ZNF804A: variants seen among roughly 807,000 people sequenced by gnomAD.
The protein encoded by ZNF804A is zinc finger protein 804A.
A neutral mutation model predicts 16.5 loss-of-function variants in ZNF804A; 2 were observed. The observed-to-expected ratio is 0.12, with a 90% CI of 0.05 to 0.38. The LOEUF is 0.38. Ranked by LOEUF, ZNF804A falls within the 10% of genes least tolerant of loss-of-function variation. The probability of loss-of-function intolerance (pLI) is 0.99; values close to 1 mark genes in which losing one functional copy is unlikely to be tolerated. For missense variants in ZNF804A, 1,473 were observed against 1,390.7 expected, an observed-to-expected ratio of 1.06 and a Z score of -0.94; for synonymous variants, 534 against 489.6, an observed-to-expected ratio of 1.09 and a Z score of -1.20.
chr2:184,750,390 T>C (rs1308137678), intron 1 of ZNF804A, among the ~76,000 whole-genome samples: 2 of 151,510 alleles, frequency 1.3e-5, no homozygotes, highest in Non-Finnish European at 3.0e-5. Flanking sequence ...ACATTACATC[T>C]CATTTTGAAA....
At chr2:184,862,322 T>C (rs992669860) in intron 1 of ZNF804A, among the ~76,000 whole-genome samples, 3 of 152,226 alleles carry the variant, frequency 2.0e-5, no homozygotes, top group Admixed American at 1.3e-4. Context: ...TACATGTTTT[T>C]AAATGTATGA....
At chr2:184,690,448 T>G (rs1405320674) in intron 1 of ZNF804A, among the ~76,000 whole-genome samples, 1 of 152,044 alleles carries the variant, frequency 6.6e-6, no homozygotes, top group Admixed American at 6.6e-5. Flanking sequence ...ACATGAATAA[T>G]CTGATAAACT....
chr2:184,695,894 G>T (rs1047657734), intron 1 of ZNF804A, among the ~76,000 whole-genome samples: 43 of 152,004 alleles, frequency 2.8e-4, no homozygotes, highest in African/African-American at 1.0e-3. Context: ...CAAAAATTAG[G>T]CTGTACCATT....
chr2:184,665,347 G>T (rs1692240322), intron 1 of ZNF804A, among the ~76,000 whole-genome samples: 1 of 152,138 alleles, frequency 6.6e-6, no homozygotes, highest in Non-Finnish European at 1.5e-5. Flanking sequence ...ATGGAATTAT[G>T]ATACTTCTGT....
intron 1 of ZNF804A, among the ~76,000 whole-genome samples, chr2:184,803,061 A>G (rs1388023283): frequency 2.6e-5 from 4 of 152,190 alleles, no homozygotes; most frequent in Non-Finnish European, 5.9e-5. Context: ...AATATAGTAA[A>G]CTAAGCCCTA....
chr2:184,612,898 AAATAAT>A (rs1003065917), intron 1 of ZNF804A, among the ~76,000 whole-genome samples: 1 of 152,218 alleles, frequency 6.6e-6, no homozygotes, highest in African/African-American at 2.4e-5. Flanking sequence ...TTAATTAAGT[AAATAAT>A]AATAATAAAT....
chr2:184,873,674 CAT>C (rs1696009511), intron 2 of ZNF804A, among the ~76,000 whole-genome samples: 1 of 151,808 alleles, frequency 6.6e-6, no homozygotes, highest in Non-Finnish European at 1.5e-5. Flanking sequence ...AATATGAACA[CAT>C]ATGAAAAATA....
At position 184,598,861 on chromosome 2, in the gene ZNF804A, C is replaced by A. The variant is rs1380889054; in HGVS notation, c.-99C>A. The A allele has an allele frequency of 3.2e-6, 2 of 627,004 alleles. No individual in the cohort carries two copies. The highest frequency in any genetic ancestry group is 4.9e-6 in the Non-Finnish European group (2 of 405,154). The allele number at this position is 627,004 out of a possible 1,614,324, so 38.8% of individuals were successfully genotyped here. A position where few individuals can be genotyped will look rare whatever the true frequency, so the allele number is the denominator to read the frequency against. ...CGGGGGTGGCTGCGTGCCCTCGTGG[C>A]GGGTTCCCAGCCCACCGTCGCCGGC... On this transcript the variant is annotated 5_prime_UTR_variant, in exon 1 of 4. Coordinates refer to ENST00000302277, the MANE Select transcript of ZNF804A (RefSeq NM_194250.2).
At chr2:184,870,577 A>G (rs970102848) in intron 2 of ZNF804A, among the ~76,000 whole-genome samples, 6 of 151,982 alleles carry the variant, frequency 3.9e-5, no homozygotes, top group Non-Finnish European at 7.4e-5. Context: ...GCTATTGTTA[A>G]CTCTTCCATG....
At chr2:184,668,030 G>A (rs948506455) in intron 1 of ZNF804A, among the ~76,000 whole-genome samples, 1 of 151,292 alleles carries the variant, frequency 6.6e-6, no homozygotes, top group Admixed American at 6.6e-5. Context: ...TTTTAAAAGG[G>A]CAACAGAATC....
rs991945944 is a variant in ZNF804A at position 184,938,613 on chromosome 2, G to C, written c.3217G>C (p.Ala1073Pro). 24 of 1,613,832 alleles carry C rather than the reference G, an allele frequency of 1.5e-5. No individual in the cohort carries two copies. Among genetic ancestry groups the C allele is most frequent in the Admixed American group, 6.7e-5 (4 of 59,970 alleles). ...GGTTAAATTTACCTTTCCTCCAGCTGCCCTCCCACCCCCTAGCACACCTCT... is the reference window on the plus strand; with the variant it reads ...GGTTAAATTTACCTTTCCTCCAGCTCCCCTCCCACCCCCTAGCACACCTCT... ...NKVKFTFPPA[A>P]LPPPSTPLQP... The change falls in exon 4 of 4, where the codon GCC becomes CCC. Residue 1073 changes from alanine to proline, a missense_variant. Transcript: ENST00000302277.
At chr2:184,888,296 G>T (rs1684927992) in intron 2 of ZNF804A, among the ~76,000 whole-genome samples, 1 of 152,036 alleles carries the variant, frequency 6.6e-6, no homozygotes, top group Admixed American at 6.6e-5. Context: ...AGTTATCCAT[G>T]AATTTTTCCT....
intron 1 of ZNF804A, among the ~76,000 whole-genome samples, chr2:184,680,356 C>T (rs774123529): frequency 8.6e-5 from 13 of 151,834 alleles, no homozygotes; most frequent in Non-Finnish European, 1.5e-4. Context: ...GAACAGATGT[C>T]GGGAGGTCTT....
chr2:184,905,625 A>AATATATGTTATATAT (rs1393676054), intron 2 of ZNF804A, among the ~76,000 whole-genome samples: 1 of 152,184 alleles, frequency 6.6e-6, no homozygotes, highest in East Asian at 1.9e-4. Flanking sequence ...AGTCAGCTAT[A>AATATATGTTATATAT]ATATATGTTT....
intron 1 of ZNF804A, among the ~76,000 whole-genome samples, chr2:184,807,339 T>A (rs925179239): frequency 6.6e-5 from 10 of 151,944 alleles, no homozygotes; most frequent in African/African-American, 2.4e-4. Flanking sequence ...CTGGGTTAAT[T>A]GTTTGCCATT....
At chr2:184,783,138 G>GT (rs57207733) in intron 1 of ZNF804A, among the ~76,000 whole-genome samples, 5,620 of 85,956 alleles carry the variant, frequency 0.065, 821 homozygotes, top group African/African-American at 0.18. Flanking sequence ...AAAAGAGTGA[G>GT]TTTTTTTTTT....
At chr2:184,690,189 AG>A (rs1057224582) in intron 1 of ZNF804A, among the ~76,000 whole-genome samples, 57 of 131,624 alleles carry the variant, frequency 4.3e-4, no homozygotes, top group African/African-American at 1.9e-3. Flanking sequence ...AGAAAGTCTC[AG>A]GAAAAAAAAA....
intron 1 of ZNF804A, among the ~76,000 whole-genome samples, chr2:184,826,077 G>T: frequency 6.7e-6 from 1 of 150,060 alleles, no homozygotes; most frequent in East Asian, 1.9e-4. Flanking sequence ...GTAGAGACAG[G>T]GTTTCACCGT....
chr2:184,937,338 C>A lies in ZNF804A; in HGVS notation c.1942C>A (p.Gln648Lys). ...AGAAAAGCAGTATTTAGCTGCAGAGCAATTATTAGACTCACATCAGTTACT... is the reference window on the plus strand; with the variant it reads ...AGAAAAGCAGTATTTAGCTGCAGAGAAATTATTAGACTCACATCAGTTACT... ...ISEKQYLAAE[Q>K]LLDSHQLLDK... The change falls in exon 4 of 4, where the codon CAA becomes AAA. Residue 648 changes from glutamine to lysine, a missense_variant. By Grantham distance (53) the Gln-to-Lys change is moderately conservative. Coordinates refer to ENST00000302277, the MANE Select transcript of ZNF804A (RefSeq NM_194250.2). 6.2e-7 allele frequency: 1 copy of A among 1,613,750 alleles called. No individual in the cohort carries two copies. Among genetic ancestry groups the A allele is most frequent in the Non-Finnish European group, 8.5e-7 (1 of 1,179,880 alleles).
Sources: allele counts gnomAD v4.1 joint callset (sites outside exome capture counted in the v4.1 genomes callset), GRCh38; gene constraint gnomAD v4.1.1; transcripts MANE v1.5; gene names NCBI Gene and HGNC (gene_info 2026-07-23, HGNC 2026-07-21).